Variants in CNOT6 observed in about 807,000 individuals in gnomAD.
The protein encoded by CNOT6 is carbon catabolite repression 4 protein.
CNOT6 carries 12 observed loss-of-function variants against 61.2 expected under a neutral mutation model. That is an observed-to-expected ratio of 0.20 (90% CI 0.13 to 0.32). CNOT6 has a LOEUF of 0.32. Ranked by LOEUF, CNOT6 falls within the 10% of genes least tolerant of loss-of-function variation. CNOT6 has a pLI of 1.00. For synonymous variants in CNOT6, 225 were observed against 240.6 expected, an observed-to-expected ratio of 0.94 and a Z score of 0.60; for missense variants, 405 against 663.9, an observed-to-expected ratio of 0.61 and a Z score of 4.28.
intron 4 of CNOT6, among the ~76,000 whole-genome samples, chr5:180,559,531 C>T (rs532604321): frequency 6.6e-6 from 1 of 152,270 alleles, no homozygotes; most frequent in Non-Finnish European, 1.5e-5. Flanking sequence ...ATAGTTGGGT[C>T]ATATTTTTAA....
At chr5:180,521,204 T>C (rs1757864926) in intron 1 of CNOT6, among the ~76,000 whole-genome samples, 1 of 152,142 alleles carries the variant, frequency 6.6e-6, no homozygotes, top group South Asian at 2.1e-4. Context: ...AAGAGGGAAA[T>C]TAATCTGTAA....
chr5:180,504,911 G>A (rs999729867), intron 1 of CNOT6, among the ~76,000 whole-genome samples: 1 of 149,838 alleles, frequency 6.7e-6, no homozygotes, highest in Non-Finnish European at 1.5e-5. Context: ...ACTGATAATT[G>A]ATAGCTATAA....
At chr5:180,533,133 TG>T (rs1758473942) in intron 2 of CNOT6, among the ~76,000 whole-genome samples, 1 of 152,020 alleles carries the variant, frequency 6.6e-6, no homozygotes, top group Non-Finnish European at 1.5e-5. Context: ...TTCTAAGGTA[TG>T]GGGCAGGACC....
intron 2 of CNOT6, among the ~76,000 whole-genome samples, chr5:180,543,883 T>C (rs1759169241): frequency 6.6e-6 from 1 of 152,134 alleles, no homozygotes; most frequent in Non-Finnish European, 1.5e-5. Context: ...CGATCTCAGC[T>C]CACTGCAAGC....
intron 2 of CNOT6, among the ~76,000 whole-genome samples, chr5:180,532,216 A>G (rs1163509381): frequency 2.6e-5 from 4 of 152,132 alleles, no homozygotes; most frequent in African/African-American, 9.7e-5. Context: ...TTTTTTCAGG[A>G]TTGGCATTTG....
intron 2 of CNOT6, among the ~76,000 whole-genome samples, chr5:180,542,295 C>T (rs1467568693): frequency 2.7e-5 from 4 of 150,574 alleles, no homozygotes; most frequent in Non-Finnish European, 2.9e-5. Context: ...GACAGGGTCT[C>T]GCTCTGTCGC....
At chr5:180,531,563 C>T (rs1292585231) in intron 2 of CNOT6, among the ~76,000 whole-genome samples, 2 of 151,164 alleles carry the variant, frequency 1.3e-5, no homozygotes, top group Non-Finnish European at 3.0e-5. Flanking sequence ...CAGAGACGCT[C>T]CTCACTTCCC....
At chr5:180,533,582 T>G (rs1758512722) in intron 2 of CNOT6, among the ~76,000 whole-genome samples, 1 of 151,540 alleles carries the variant, frequency 6.6e-6, no homozygotes, top group Non-Finnish European at 1.5e-5. Context: ...AGCTAACATT[T>G]TAAAAATTTT....
intron 9 of CNOT6, among the ~76,000 whole-genome samples, chr5:180,568,829 A>C (rs1032860331): frequency 6.6e-5 from 10 of 152,220 alleles, no homozygotes; most frequent in African/African-American, 2.4e-4. Flanking sequence ...ATCCAAACTA[A>C]GACCAAAAGT....
At chr5:180,511,610 CA>C (rs201957805) in intron 1 of CNOT6, among the ~76,000 whole-genome samples, 2 of 148,942 alleles carry the variant, frequency 1.3e-5, no homozygotes, top group Admixed American at 6.7e-5. Flanking sequence ...GACTTTGTCT[CA>C]AAAAAAAAGC....
intron 2 of CNOT6, among the ~76,000 whole-genome samples, chr5:180,541,762 T>G (rs1561650135): frequency 6.6e-6 from 1 of 151,444 alleles, no homozygotes; most frequent in Non-Finnish European, 1.5e-5. Context: ...AGAGAAATTT[T>G]TTTTTTTTTT....
chr5:180,554,117 G>A (rs771815102), intron 4 of CNOT6, among the ~76,000 whole-genome samples: 6 of 152,064 alleles, frequency 3.9e-5, no homozygotes, highest in Non-Finnish European at 8.8e-5. Flanking sequence ...AGATGAAGTC[G>A]TCAAGATTTG....
chr5:180,496,755 A>AT (rs1756631885), intron 1 of CNOT6, among the ~76,000 whole-genome samples: 1 of 152,182 alleles, frequency 6.6e-6, no homozygotes, highest in African/African-American at 2.4e-5. Context: ...CGAAAGACAG[A>AT]TTTTCTTGTG....
At chr5:180,495,277 G>A (rs1756554722) in intron 1 of CNOT6, 1 of 152,250 alleles carries the variant, frequency 6.6e-6, no homozygotes, top group African/African-American at 2.4e-5. Flanking sequence ...GGAGAGGACG[G>A]GGTGGATTAC....
chr5:180,562,515 T>C (rs2127758750), intron 4 of CNOT6, among the ~76,000 whole-genome samples: 1 of 152,080 alleles, frequency 6.6e-6, no homozygotes, highest in South Asian at 2.1e-4. Flanking sequence ...CCGAGTCGGG[T>C]GGATCACGAG....
chr5:180,547,827 G>A lies in CNOT6; in HGVS notation c.113-2104G>A, dbSNP rs567599712. Among the ~76,000 whole-genome samples the A allele has an allele frequency of 1.1e-4, 16 of 151,198 alleles. No individual in the cohort carries two copies. The East Asian group carries it at 1.4e-3, about 13-fold the overall frequency. On this transcript the variant is annotated intron_variant, in intron 2 of 11. Coordinates refer to ENST00000261951, the MANE Select transcript of CNOT6 (RefSeq NM_001370472.1). Reference sequence around the variant, plus strand: ...CAGCCCACTGCAACCGCCACCTCCCGGGTTCAAGCGGTTCTCCTGCCTCAG... The same window carrying A: ...CAGCCCACTGCAACCGCCACCTCCCAGGTTCAAGCGGTTCTCCTGCCTCAG...
intron 4 of CNOT6, among the ~76,000 whole-genome samples, chr5:180,553,751 T>C (rs924868123): frequency 3.3e-5 from 5 of 152,222 alleles, no homozygotes; most frequent in Non-Finnish European, 7.3e-5. Context: ...GGCTATGCTT[T>C]ATTTCATCAT....
intron 11 of CNOT6, among the ~76,000 whole-genome samples, chr5:180,572,445 C>G (rs908612644): frequency 6.6e-6 from 1 of 152,218 alleles, no homozygotes; most frequent in Non-Finnish European, 1.5e-5. Flanking sequence ...CCACCTTGGC[C>G]TCCCAAAGTG....
intron 10 of CNOT6, among the ~76,000 whole-genome samples, 158 bp downstream of exon 10, chr5:180,569,498 A>G (rs1358642441): frequency 2.6e-5 from 4 of 152,214 alleles, no homozygotes; most frequent in Admixed American, 6.5e-5. Context: ...TGGAGGGGCC[A>G]TTTTGAAGAT....
Sources: gnomAD v4.1 joint callset for allele counts (sites outside exome capture counted in the v4.1 genomes callset) on GRCh38, gnomAD v4.1.1 for gene constraint, MANE v1.5 for transcripts, NCBI Gene and HGNC (gene_info 2026-07-23, HGNC 2026-07-21) for gene names.